Variants in LIMK2 observed in about 807,000 individuals in gnomAD.
LIMK2 encodes the protein LIM domain kinase 2.
In LIMK2, 35 loss-of-function variants were observed where a neutral mutation model predicts 75.7. The ratio of observed to expected loss-of-function variants is 0.46; its 90% confidence interval spans 0.35 to 0.61. The LOEUF (loss-of-function observed/expected upper bound fraction) is 0.61, where lower values mean the gene tolerates loss of function less well. Among genes scored for constraint, LIMK2 ranks in the 20% least tolerant of loss-of-function variants. The pLI is 0.00. For missense variants in LIMK2, 623 were observed against 831.0 expected (o/e 0.75, Z 3.08); for synonymous variants, 301 against 319.2 (o/e 0.94, Z 0.61).
chr22:31,226,178 C>CTTATTTTATTTTATT lies in LIMK2; in HGVS notation c.116+389_116+403dup, dbSNP rs144244697. ...AGGTACTTCAAGAGTTGTTTGTATT[C>CTTATTTTATTTTATT]TTATTTTATTTTATTTTATTTTATT... On this transcript the variant is annotated intron_variant, in intron 2 of 15. Coordinates refer to ENST00000331728, the MANE Select transcript of LIMK2 (RefSeq NM_005569.4). Among the ~76,000 whole-genome samples the CTTATTTTATTTTATT allele has an allele frequency of 7.7e-3, 1,121 of 146,008 alleles. 6 individuals are homozygous for CTTATTTTATTTTATT. Among genetic ancestry groups the CTTATTTTATTTTATT allele is most frequent in the East Asian group, 0.019 (93 of 4,772 alleles).
chr22:31,249,675 C>T (rs1459670824), intron 2 of LIMK2, among the ~76,000 whole-genome samples: 1 of 152,100 alleles, frequency 6.6e-6, no homozygotes, highest in African/African-American at 2.4e-5. Flanking sequence ...TGGTCCTGGT[C>T]GACTTTTCCC....
intron 2 of LIMK2, among the ~76,000 whole-genome samples, chr22:31,229,733 T>C (rs894040345): frequency 6.6e-6 from 1 of 152,036 alleles, no homozygotes; most frequent in Non-Finnish European, 1.5e-5. Flanking sequence ...CATCCTAAAC[T>C]CCTCCCCTCA....
intron 2 of LIMK2, among the ~76,000 whole-genome samples, chr22:31,240,746 C>T (rs1387014524): frequency 6.6e-6 from 1 of 152,088 alleles, no homozygotes; most frequent in Non-Finnish European, 1.5e-5. Flanking sequence ...TATACCATAA[C>T]GTGAGCACCA....
chr22:31,227,711 C>G (rs1392348709), intron 2 of LIMK2, among the ~76,000 whole-genome samples: 1 of 152,164 alleles, frequency 6.6e-6, no homozygotes, highest in Non-Finnish European at 1.5e-5. Context: ...CAGATTGGGT[C>G]TCGCCTTGGC....
At chr22:31,276,400 C>CTTTATTT (rs1327427295) in intron 15 of LIMK2, among the ~76,000 whole-genome samples, 4 of 151,974 alleles carry the variant, frequency 2.6e-5, no homozygotes, top group Admixed American at 2.0e-4. Flanking sequence ...CCAGGATAAC[C>CTTTATTT]AGTTGGGACA....
At chr22:31,221,886 C>A (rs1393129311) in intron 1 of LIMK2, among the ~76,000 whole-genome samples, 4 of 152,138 alleles carry the variant, frequency 2.6e-5, no homozygotes, top group African/African-American at 9.7e-5. Context: ...AGTTGGCATG[C>A]AATAAATATT....
chr22:31,224,117 C>T (rs944111615), intron 1 of LIMK2, among the ~76,000 whole-genome samples: 4 of 152,204 alleles, frequency 2.6e-5, no homozygotes, highest in African/African-American at 9.7e-5. Flanking sequence ...CTTGTAACAA[C>T]CTTGTCCTGC....
intron 2 of LIMK2, among the ~76,000 whole-genome samples, chr22:31,249,133 G>C (rs1024719308): frequency 1.3e-5 from 2 of 152,164 alleles, no homozygotes; most frequent in Non-Finnish European, 2.9e-5. Context: ...TCTTACCTGC[G>C]GGCCATGCTG....
intron 1 of LIMK2, among the ~76,000 whole-genome samples, chr22:31,219,856 G>A (rs2048419695): frequency 6.6e-6 from 1 of 152,166 alleles, no homozygotes; most frequent in South Asian, 2.1e-4. Flanking sequence ...ACAGGCGTGA[G>A]CCACCACGCC....
intron 2 of LIMK2, among the ~76,000 whole-genome samples, chr22:31,252,988 G>GTC (rs1399435678): frequency 1.3e-5 from 2 of 152,204 alleles, no homozygotes; most frequent in Non-Finnish European, 2.9e-5. Flanking sequence ...GACTCAAAAG[G>GTC]TCTCTGTGTG....
chr22:31,225,987 C>T (rs566827951), intron 2 of LIMK2, among the ~76,000 whole-genome samples, 168 bp downstream of exon 2: 3 of 152,216 alleles, frequency 2.0e-5, no homozygotes, highest in African/African-American at 7.2e-5. Flanking sequence ...AGTGTGGCCC[C>T]CCTGAACCCA....
intron 1 of LIMK2, among the ~76,000 whole-genome samples, chr22:31,219,519 T>C (rs1439551214): frequency 6.6e-6 from 1 of 152,188 alleles, no homozygotes; most frequent in Non-Finnish European, 1.5e-5. Context: ...TGTTTGAAGG[T>C]ACTGTGAACA....
At position 31,267,918 on chromosome 22, in the gene LIMK2, C is replaced by G; in HGVS notation, c.1260+11C>G. 1 of 1,585,684 alleles carries G rather than the reference C, an allele frequency of 6.3e-7. No homozygotes were observed. Among genetic ancestry groups the G allele is most frequent in the South Asian group, 1.2e-5 (1 of 85,886 alleles). ...TTTCTGCGCAGTATGGTGAGCACAC[C>G]ACCCCATAGTCTCCAGGAGCCTTGG... is the stretch of plus-strand genomic sequence containing the variant. On this transcript the variant is annotated intron_variant, in intron 10 of 15. Transcript: ENST00000331728.
At chr22:31,271,288 G>C (rs1024386435) in intron 12 of LIMK2, 87 bp downstream of exon 12, 9 of 1,151,280 alleles carry the variant, frequency 7.8e-6, no homozygotes, top group South Asian at 2.4e-5. Context: ...GTCCCCTCTG[G>C]CTAGAGGGCA....
At chr22:31,225,963 A>G (rs1472858524) in intron 2 of LIMK2, 144 bp downstream of exon 2, 1 of 685,728 alleles carries the variant, frequency 1.5e-6, no homozygotes, top group Admixed American at 2.4e-5. Context: ...GGAAGAGCTC[A>G]TGACCAAACC....
chr22:31,263,185 G>GT (rs929811065), intron 7 of LIMK2, among the ~76,000 whole-genome samples: 10 of 151,966 alleles, frequency 6.6e-5, no homozygotes, highest in Non-Finnish European at 1.3e-4. Context: ...ATGAATGAAC[G>GT]TTTTTTTTAG....
intron 7 of LIMK2, among the ~76,000 whole-genome samples, chr22:31,264,515 C>T (rs1052033838): frequency 2.6e-5 from 4 of 152,178 alleles, no homozygotes; most frequent in African/African-American, 4.8e-5. Flanking sequence ...TATTATCGAC[C>T]GCTTTTGAAA....
intron 1 of LIMK2, among the ~76,000 whole-genome samples, chr22:31,221,125 T>G (rs1441454441): frequency 6.6e-6 from 1 of 152,140 alleles, no homozygotes; most frequent in Non-Finnish European, 1.5e-5. Context: ...TAAGGAATGG[T>G]GAGAGAGAAG....
chr22:31,238,765 T>A (rs1235194659), intron 2 of LIMK2, among the ~76,000 whole-genome samples: 1 of 152,154 alleles, frequency 6.6e-6, no homozygotes, highest in Non-Finnish European at 1.5e-5. Flanking sequence ...CCAGAGAGAT[T>A]TAATGGCTTG....
Sources: allele counts gnomAD v4.1 joint callset (sites outside exome capture counted in the v4.1 genomes callset), GRCh38; gene constraint gnomAD v4.1.1; transcripts MANE v1.5; gene names NCBI Gene and HGNC (gene_info 2026-07-23, HGNC 2026-07-21).